UGT3A1: variants seen among roughly 807,000 people sequenced by gnomAD.
UGT3A1 encodes UDP-glycosyltransferase 3A1.
In UGT3A1, 40 loss-of-function variants were observed where a neutral mutation model predicts 37.6. The observed-to-expected ratio is 1.06, with a 90% CI of 0.83 to 1.38. UGT3A1 has a LOEUF of 1.38. Among genes scored for constraint, UGT3A1 ranks in the 40% most tolerant of loss-of-function variants. The probability of loss-of-function intolerance (pLI) is 0.00; values close to 1 mark genes in which losing one functional copy is unlikely to be tolerated. For synonymous variants in UGT3A1, 256 were observed against 232.3 expected (o/e 1.10, Z -0.93); for missense variants, 642 against 634.2 (o/e 1.01, Z -0.13).
At chr5:35,988,349 CT>C in intron 2 of UGT3A1, 100 bp downstream of exon 2, 1 of 773,000 alleles carries the variant, frequency 1.3e-6, no homozygotes. Flanking sequence ...CGAAATAAGA[CT>C]AGATTCAAAG....
At chr5:35,999,300 C>G (rs1338666661) in intron 1 of UGT3A1, among the ~76,000 whole-genome samples, 3 of 150,440 alleles carry the variant, frequency 2.0e-5, no homozygotes, top group Admixed American at 2.0e-4. Context: ...AAAACCAAAA[C>G]GTTTGGCAAT....
intron 4 of UGT3A1, among the ~76,000 whole-genome samples, chr5:35,960,134 A>T (rs1330929918): frequency 6.6e-6 from 1 of 152,238 alleles, no homozygotes; most frequent in African/African-American, 2.4e-5. Context: ...TACATATTCT[A>T]TACAAACCCT....
intron 6 of UGT3A1, 141 bp from the exon 7 acceptor site, chr5:35,954,619 G>T: frequency 9.2e-7 from 1 of 1,087,934 alleles, no homozygotes; most frequent in Non-Finnish European, 1.3e-6. Context: ...AAAATTTGTT[G>T]GCATGGCCTT....
intron 2 of UGT3A1, among the ~76,000 whole-genome samples, chr5:35,984,473 T>TG (rs1491274627): frequency 1.3e-3 from 1 of 772 alleles, no homozygotes; most frequent in Non-Finnish European, 8.3e-3. Flanking sequence ...TCTCACAGAA[T>TG]TTTTTTTTTT....
At chr5:35,979,875 G>A (rs1171258754) in intron 2 of UGT3A1, among the ~76,000 whole-genome samples, 1 of 152,206 alleles carries the variant, frequency 6.6e-6, no homozygotes, top group African/African-American at 2.4e-5. Context: ...CAGAAGGCAT[G>A]TCTTACATCA....
chr5:35,972,810 G>A (rs562347580), intron 2 of UGT3A1, among the ~76,000 whole-genome samples: 1 of 150,806 alleles, frequency 6.6e-6, no homozygotes, highest in South Asian at 2.1e-4. Flanking sequence ...AGCATGGAAA[G>A]AAAAGAATGA....
intron 1 of UGT3A1, among the ~76,000 whole-genome samples, chr5:36,000,281 T>A (rs758613531): frequency 2.3e-4 from 35 of 152,198 alleles, no homozygotes; most frequent in Non-Finnish European, 4.6e-4. Context: ...TCAAGGGAGA[T>A]ATATTGCAAT....
chr5:35,958,169 G>A (rs980316493), intron 4 of UGT3A1, among the ~76,000 whole-genome samples: 3 of 151,968 alleles, frequency 2.0e-5, no homozygotes, highest in Non-Finnish European at 2.9e-5. Context: ...ATTTTATATT[G>A]TGTAATGCCT....
rs562205003 is a variant in UGT3A1 at position 35,952,968 on chromosome 5, A to C, written c.*1234T>G. 2.0e-5 allele frequency: 3 copies of C among 152,286 alleles called. No homozygotes were observed. Among genetic ancestry groups the C allele is most frequent in the African/African-American group, 7.2e-5 (3 of 41,558 alleles). The allele number at this position is 152,286 out of a possible 1,614,324, so 9.4% of individuals were successfully genotyped here. ...GCATTTGTAACAGTTTCATCTTTTGATCTGAATTGTTTCAAGATCTGTTTC... is the reference window on the plus strand; with the variant it reads ...GCATTTGTAACAGTTTCATCTTTTGCTCTGAATTGTTTCAAGATCTGTTTC... On this transcript the variant is annotated 3_prime_UTR_variant, in exon 7 of 7. Coordinates refer to ENST00000274278, the MANE Select transcript of UGT3A1 (RefSeq NM_152404.4).
At chr5:35,954,582 C>T (rs1190320304) in intron 6 of UGT3A1, 104 bp from the exon 7 acceptor site, 5 of 1,392,650 alleles carry the variant, frequency 3.6e-6, no homozygotes, top group African/African-American at 1.4e-5. Flanking sequence ...ACTTTTCTAA[C>T]ACATGCACCA....
intron 5 of UGT3A1, among the ~76,000 whole-genome samples, chr5:35,956,950 C>T (rs1203051100): frequency 6.6e-6 from 1 of 152,164 alleles, no homozygotes; most frequent in East Asian, 1.9e-4. Context: ...TTGGAAACTT[C>T]AGGCCTCGCT....
upstream of UGT3A1, among the ~76,000 whole-genome samples, chr5:35,994,657 A>T (rs1034841200): frequency 6.6e-6 from 1 of 152,030 alleles, no homozygotes; most frequent in Non-Finnish European, 1.5e-5. Context: ...AGCCCCTGAC[A>T]CATATGCCAG....
At chr5:35,961,524 T>C (rs1308115143) in intron 4 of UGT3A1, 1 of 152,204 alleles carries the variant, frequency 6.6e-6, no homozygotes, top group African/African-American at 2.4e-5. Context: ...TGTTTCACCC[T>C]GGTGAAAGAA....
chr5:35,973,531 T>C (rs1282097545), intron 2 of UGT3A1, among the ~76,000 whole-genome samples: 2 of 152,148 alleles, frequency 1.3e-5, no homozygotes, highest in African/African-American at 4.8e-5. Context: ...TAAATAAAAA[T>C]ATAATACCAG....
chr5:35,973,180 C>T (rs1237085819), intron 2 of UGT3A1, among the ~76,000 whole-genome samples: 1 of 152,188 alleles, frequency 6.6e-6, no homozygotes, highest in East Asian at 1.9e-4. Context: ...GCATGAGAAA[C>T]TGTACAGTCT....
chr5:35,978,780 C>T (rs942365152), intron 2 of UGT3A1, among the ~76,000 whole-genome samples: 1 of 152,154 alleles, frequency 6.6e-6, no homozygotes, highest in Non-Finnish European at 1.5e-5. Flanking sequence ...TCAGCATTAA[C>T]TCAAAAGTCC....
chr5:35,965,459 A>C lies in UGT3A1; in HGVS notation c.770T>G (p.Phe257Cys). Residue 257 changes from phenylalanine (F) to cysteine (C), a missense_variant, in exon 4 of 7, where the codon TTT (phenylalanine) becomes TGT (cysteine). Phe to Cys is a radical substitution (Grantham distance 205). Coordinates refer to ENST00000274278, the MANE Select transcript of UGT3A1 (RefSeq NM_152404.4). The stretch of plus-strand genomic sequence containing the variant: ...AGTGTTGGGAAGCAGGGGCCGGGCA[A>C]AATCAAAGGCAAAATCAGAGTTAAC... ...WFVNSDFAFD[F>C]ARPLLPNTVY... 1 of 1,614,208 alleles carries C rather than the reference A, an allele frequency of 6.2e-7. No homozygotes were observed. The highest frequency in any genetic ancestry group is 8.5e-7 in the Non-Finnish European group (1 of 1,180,028).
chr5:35,971,743 A>G (rs1239311584), intron 2 of UGT3A1, among the ~76,000 whole-genome samples: 1 of 151,978 alleles, frequency 6.6e-6, no homozygotes, highest in Non-Finnish European at 1.5e-5. Flanking sequence ...CCAGAGAGGT[A>G]TTTTTCTGGG....
Position 35,991,172 on chromosome 5 carries a change from G to A in UGT3A1, c.69C>T (p.Ala23=), listed in dbSNP as rs970779747. The A allele has an allele frequency of 3.1e-6, 5 of 1,613,736 alleles. No homozygotes were observed. Among genetic ancestry groups the A allele is most frequent in the Non-Finnish European group, 4.2e-6 (5 of 1,179,902 alleles). The part of the protein sequence containing the change: ...LLSGVLLSEA[A]KILTISTLGG... The stretch of plus-strand genomic sequence containing the variant: ...CCAGTGTAGATATTGTCAGGATTTT[G>A]GCAGCCTCTGAGAGCAGGACCCCAG... Residue 23 remains alanine (A), a synonymous_variant, in exon 1 of 7, where the codon GCC becomes GCT. Transcript: ENST00000274278.
Sources: gnomAD v4.1 joint callset for allele counts (sites outside exome capture counted in the v4.1 genomes callset) on GRCh38, gnomAD v4.1.1 for gene constraint, MANE v1.5 for transcripts, NCBI Gene and HGNC (gene_info 2026-07-23, HGNC 2026-07-21) for gene names.